The following OR14A16 variants were observed in gnomAD, a reference collection of about 807,000 sequenced individuals.
The protein encoded by OR14A16 is olfactory receptor 14A16.
For synonymous variants in OR14A16, 135 were observed against 137.6 expected (o/e 0.98, Z 0.13); for missense variants, 341 against 366.5 (o/e 0.93, Z 0.57).
In OR14A16 at chr1:247,819,085, C is replaced by G. The variant is rs1052451344; in HGVS notation, c.-38G>C. Reference sequence around the variant, plus strand: ...TACTCTATACCTCCAATCTGGCGCACGAAGATTCCAGATGTCTTCTGAGGC... The same window carrying G: ...TACTCTATACCTCCAATCTGGCGCAGGAAGATTCCAGATGTCTTCTGAGGC... On this transcript the variant is annotated 5_prime_UTR_variant, in exon 2 of 3. Coordinates refer to ENST00000641093, the MANE Select transcript of OR14A16 (RefSeq NM_001001966.2). 6.6e-6 allele frequency: 1 copy of G among 151,974 alleles called. No homozygotes were observed. The highest frequency in any genetic ancestry group is 1.9e-4 in the East Asian group (1 of 5,182). The allele number at this position is 151,974 out of a possible 1,614,324, so 9.4% of individuals were successfully genotyped here.
intron 1 of OR14A16, among the ~76,000 whole-genome samples, chr1:247,820,520 T>C (rs1400167973): frequency 6.6e-6 from 1 of 152,138 alleles, no homozygotes; most frequent in African/African-American, 2.4e-5. Context: ...CTTTTTTCTC[T>C]AGGTTCTTGA....
At chr1:247,820,469 T>C (rs1379341362) in intron 1 of OR14A16, among the ~76,000 whole-genome samples, 1 of 152,178 alleles carries the variant, frequency 6.6e-6, no homozygotes, top group Non-Finnish European at 1.5e-5. Context: ...CTTTTTTCTT[T>C]GTTATTTCCT....
At chr1:247,816,905 C>T (rs1349590341) in intron 2 of OR14A16, among the ~76,000 whole-genome samples, 2 of 152,026 alleles carry the variant, frequency 1.3e-5, no homozygotes, top group East Asian at 1.9e-4. Flanking sequence ...AACGACAATG[C>T]GTGACCTTGC....
chr1:247,820,299 CATT>C (rs34403906), intron 1 of OR14A16, among the ~76,000 whole-genome samples: 104,914 of 151,644 alleles, frequency 0.69, 37,313 homozygotes, highest in East Asian at 1. Flanking sequence ...GGAGAACTGG[CATT>C]AGTTATTCTT....
In OR14A16 at chr1:247,821,748, G is replaced by A. The variant is rs1348128298; in HGVS notation, c.-131+2205C>T. On this transcript the variant is annotated intron_variant, in intron 1 of 2. Transcript: ENST00000641093. ...TCATTTGCAGTTGATAAACTGGGTA[G>A]TACTTACTGCTGCCATTTTGTTAAA... 1.4e-5 allele frequency among the ~76,000 whole-genome samples: 2 copies of A among 146,072 alleles called. 1 individual carries two copies. Among genetic ancestry groups the A allele is most frequent in the African/African-American group, 4.9e-5 (2 of 40,696 alleles).
chr1:247,822,790 G>A (rs2103288048), intron 1 of OR14A16, among the ~76,000 whole-genome samples: 1 of 152,314 alleles, frequency 6.6e-6, no homozygotes, highest in East Asian at 1.9e-4. Flanking sequence ...AATTAAGAGT[G>A]AGGAAGCTTA....
At chr1:247,820,088 A>G (rs983113956) in intron 1 of OR14A16, among the ~76,000 whole-genome samples, 1 of 152,180 alleles carries the variant, frequency 6.6e-6, no homozygotes, top group African/African-American at 2.4e-5. Context: ...ATTATGATGA[A>G]TGATCTTTTT....
At chr1:247,817,350 TA>T (rs950346625) in intron 2 of OR14A16, among the ~76,000 whole-genome samples, 1 of 152,168 alleles carries the variant, frequency 6.6e-6, no homozygotes, top group African/African-American at 2.4e-5. Context: ...AATGAACAGT[TA>T]AAAATAAATG....
At chr1:247,819,369 A>G (rs1478903688) in intron 1 of OR14A16, among the ~76,000 whole-genome samples, 192 bp from the exon 2 acceptor site, 2 of 145,104 alleles carry the variant, frequency 1.4e-5, no homozygotes, top group Non-Finnish European at 3.0e-5. Flanking sequence ...TGAGGTTCAG[A>G]GTTTAGCACA....
chr1:247,823,523 A>T (rs574055087), intron 1 of OR14A16, among the ~76,000 whole-genome samples: 12 of 152,248 alleles, frequency 7.9e-5, no homozygotes, highest in African/African-American at 2.9e-4. Context: ...ACAAAAGATG[A>T]TAAAATAAAA....
At position 247,814,712 on chromosome 1, in the gene OR14A16, A is replaced by G. The variant is rs1662568665; in HGVS notation, c.*88T>C. The G allele has an allele frequency of 3.2e-6, 2 of 633,304 alleles. No individual in the cohort carries two copies. Among genetic ancestry groups the G allele is most frequent in the South Asian group, 6.8e-5 (1 of 14,640 alleles). 39.2% of individuals were successfully genotyped at this position (633,304 alleles called of 1,614,324 possible). A position where few individuals can be genotyped will look rare whatever the true frequency, so the allele number is the denominator to read the frequency against. ...CTTTCATTTGTCTTTTTAAATTTTT[A>G]CTTTTAAGAATTAGAGATAAAAATG... On this transcript the variant is annotated 3_prime_UTR_variant, in exon 3 of 3. Transcript: ENST00000641093.
intron 1 of OR14A16, among the ~76,000 whole-genome samples, chr1:247,822,605 G>A (rs992514307): frequency 9.2e-5 from 14 of 152,068 alleles, no homozygotes; most frequent in South Asian, 8.3e-4. Flanking sequence ...GGCCTTTCTG[G>A]GACCTCTCTG....
chr1:247,818,331 T>C (rs1002655439), intron 2 of OR14A16, among the ~76,000 whole-genome samples: 2 of 152,096 alleles, frequency 1.3e-5, no homozygotes, highest in Admixed American at 1.3e-4. Context: ...AGTATGGAGG[T>C]GCCTCCATAA....
rs200122075 is a variant in OR14A16, at chr1:247,815,712, G to A, written c.18C>T (p.Ile6=). Reference sequence around the variant, plus strand: ...ACCCCATAAGGATAAATTCAGTCACGATTGTGAGATTTGCCATTATTGCAG... The same window carrying A: ...ACCCCATAAGGATAAATTCAGTCACAATTGTGAGATTTGCCATTATTGCAG... MANLT[I]VTEFILMGFS... The change falls in exon 3 of 3, where the codon ATC becomes ATT. Residue 6 remains isoleucine (I), a synonymous_variant. Coordinates refer to ENST00000641093, the MANE Select transcript of OR14A16 (RefSeq NM_001001966.2). The A allele has an allele frequency of 1.9e-5, 30 of 1,581,280 alleles. No individual in the cohort carries two copies. Among genetic ancestry groups the A allele is most frequent in the Non-Finnish European group, 2.5e-5 (29 of 1,157,718 alleles).
intron 2 of OR14A16, among the ~76,000 whole-genome samples, chr1:247,817,965 C>T (rs1377771889): frequency 6.6e-6 from 1 of 151,970 alleles, no homozygotes; most frequent in East Asian, 1.9e-4. Context: ...TATTTTATCC[C>T]ATTTCTGTGT....
At chr1:247,820,967 C>T (rs1327995347) in intron 1 of OR14A16, among the ~76,000 whole-genome samples, 3 of 151,688 alleles carry the variant, frequency 2.0e-5, no homozygotes, top group Non-Finnish European at 4.4e-5. Flanking sequence ...GTTGTGTTTT[C>T]ATGCTTGTTT....
intron 2 of OR14A16, 132 bp from the exon 3 acceptor site, chr1:247,815,876 T>C (rs1396715670): frequency 2.1e-6 from 1 of 468,818 alleles, no homozygotes; most frequent in Non-Finnish European, 3.7e-6. Flanking sequence ...TCCATGCCAA[T>C]TTGCCACAAA....
intron 1 of OR14A16, among the ~76,000 whole-genome samples, chr1:247,820,366 T>G (rs556246911): frequency 6.6e-6 from 1 of 152,286 alleles, no homozygotes; most frequent in Admixed American, 6.5e-5. Flanking sequence ...GTGTTTTTGT[T>G]GTTGCTGTTA....
chr1:247,820,860 CAAAA>C (rs35415698), intron 1 of OR14A16, among the ~76,000 whole-genome samples: 21,505 of 120,810 alleles, frequency 0.18, 1,765 homozygotes, highest in Non-Finnish European at 0.22. Context: ...AGCACCGTCT[CAAAA>C]AAAAAAAAAA....
Sources: gnomAD v4.1 joint callset for allele counts (sites outside exome capture counted in the v4.1 genomes callset) on GRCh38, gnomAD v4.1.1 for gene constraint, MANE v1.5 for transcripts, NCBI Gene and HGNC (gene_info 2026-07-23, HGNC 2026-07-21) for gene names.